Variants in SUCLG2 observed in about 807,000 individuals in gnomAD.
The protein encoded by SUCLG2 is succinate--CoA ligase [GDP-forming] subunit beta, mitochondrial.
Under a neutral mutation model 47.9 loss-of-function variants are expected in SUCLG2, and 42 were observed. The observed-to-expected ratio is 0.88, with a 90% CI of 0.69 to 1.14. The LOEUF (loss-of-function observed/expected upper bound fraction) is 1.14, where lower values mean the gene tolerates loss of function less well. Ranked by LOEUF, SUCLG2 falls within the 50% of genes most tolerant of loss-of-function variation. SUCLG2 has a pLI of 0.00. For synonymous variants in SUCLG2, 195 were observed against 197.3 expected (o/e 0.99, Z 0.10); for missense variants, 571 against 525.9 (o/e 1.09, Z -0.84).
At chr3:67,426,526 T>G (rs1418328173) in intron 9 of SUCLG2, among the ~76,000 whole-genome samples, 1 of 152,214 alleles carries the variant, frequency 6.6e-6, no homozygotes, top group Non-Finnish European at 1.5e-5. Context: ...AGTAAGACTG[T>G]AAAGAACATA....
At chr3:67,484,222 C>T (rs1251582008) in intron 9 of SUCLG2, among the ~76,000 whole-genome samples, 1 of 152,168 alleles carries the variant, frequency 6.6e-6, no homozygotes, top group African/African-American at 2.4e-5. Flanking sequence ...CCAATGCTTG[C>T]CTGACTCTGG....
intron 10 of SUCLG2, among the ~76,000 whole-genome samples, chr3:67,387,581 A>G (rs1488528054): frequency 6.6e-6 from 1 of 152,228 alleles, no homozygotes; most frequent in African/African-American, 2.4e-5. Flanking sequence ...AATTTTTCCC[A>G]AAAGATTTAA....
chr3:67,437,994 C>T (rs1315440600), intron 9 of SUCLG2, among the ~76,000 whole-genome samples: 3 of 152,106 alleles, frequency 2.0e-5, no homozygotes, highest in East Asian at 1.9e-4. Context: ...AATACATATA[C>T]GTGATGCACT....
At position 67,476,075 on chromosome 3, in the gene SUCLG2, A is replaced by G. The variant is rs539959652; in HGVS notation, c.1062+19723T>C. ...AATGGGATTCAATTTATGTGTAACT[A>G]ATTTATAAACACAATGTTAACCTTT... is the stretch of plus-strand genomic sequence containing the variant. On this transcript the variant is annotated intron_variant, in intron 9 of 10. Transcript: ENST00000307227. Among the ~76,000 whole-genome samples, 26 of 151,944 alleles carry G rather than the reference A, an allele frequency of 1.7e-4. No individual in the cohort carries two copies. The South Asian group carries it at 4.6e-3, about 27-fold the overall frequency.
intron 9 of SUCLG2, among the ~76,000 whole-genome samples, chr3:67,419,114 A>G (rs1470221327): frequency 6.6e-6 from 1 of 152,232 alleles, no homozygotes; most frequent in African/African-American, 2.4e-5. Flanking sequence ...TCTATCACCA[A>G]GCACTCAGTC....
At chr3:67,423,662 G>A (rs1703228614) in intron 9 of SUCLG2, among the ~76,000 whole-genome samples, 1 of 152,014 alleles carries the variant, frequency 6.6e-6, no homozygotes. Flanking sequence ...CTTACCCCCT[G>A]CTCTACAAGA....
chr3:67,549,619 A>G (rs1706957717), intron 2 of SUCLG2, among the ~76,000 whole-genome samples: 1 of 152,220 alleles, frequency 6.6e-6, no homozygotes, highest in Non-Finnish European at 1.5e-5. Flanking sequence ...TACAATGACT[A>G]TTTATAATGA....
rs139534893 is a variant in SUCLG2 at position 67,422,537 on chromosome 3, A to G, written c.1063-21686T>C. On this transcript the variant is annotated intron_variant, in intron 9 of 10. Transcript: ENST00000307227. The stretch of plus-strand genomic sequence containing the variant: ...AACACAATTTTACTAAGATCTTACA[A>G]TATGTGTACAACTGTGTTGAGATGT... Among the ~76,000 whole-genome samples, 1,047 of 149,082 alleles carry G rather than the reference A, an allele frequency of 7.0e-3. 12 individuals are homozygous for G. Among genetic ancestry groups the G allele is most frequent in the African/African-American group, 0.025 (1,002 of 40,590 alleles).
At chr3:67,609,293 A>G (rs1157543770) in intron 2 of SUCLG2, among the ~76,000 whole-genome samples, 162 bp downstream of exon 2, 1 of 152,022 alleles carries the variant, frequency 6.6e-6, no homozygotes, top group Non-Finnish European at 1.5e-5. Context: ...ACACATGTAC[A>G]TGAGGCAATC....
chr3:67,446,556 A>C (rs1476711302), intron 9 of SUCLG2, among the ~76,000 whole-genome samples: 5 of 149,416 alleles, frequency 3.3e-5, no homozygotes, highest in South Asian at 2.1e-4. Context: ...CACCCTCCCG[A>C]GTAGCTGGGA....
chr3:67,561,771 T>C (rs75879922), intron 2 of SUCLG2, among the ~76,000 whole-genome samples: 1,606 of 152,296 alleles, frequency 0.011, 21 homozygotes, highest in East Asian at 0.051. Flanking sequence ...GGAAATTAAA[T>C]AGCTGTCATT....
intron 9 of SUCLG2, among the ~76,000 whole-genome samples, chr3:67,489,061 G>T (rs370856667): frequency 6.6e-6 from 1 of 152,138 alleles, no homozygotes; most frequent in East Asian, 1.9e-4. Context: ...CATGTAAATA[G>T]ATTTTGAGTG....
At chr3:67,601,736 A>G (rs1449153779) in intron 2 of SUCLG2, among the ~76,000 whole-genome samples, 1 of 152,136 alleles carries the variant, frequency 6.6e-6, no homozygotes, top group Non-Finnish European at 1.5e-5. Flanking sequence ...AAGGCCAGCA[A>G]TTTGGGAGGT....
At chr3:67,605,883 AAC>A (rs1346968320) in intron 2 of SUCLG2, among the ~76,000 whole-genome samples, 1 of 152,016 alleles carries the variant, frequency 6.6e-6, no homozygotes, top group Non-Finnish European at 1.5e-5. Context: ...ACGTCAATGC[AAC>A]ATTGCTCATT....
chr3:67,548,290 A>G (rs749521537), intron 2 of SUCLG2, among the ~76,000 whole-genome samples: 2 of 152,202 alleles, frequency 1.3e-5, no homozygotes, highest in African/African-American at 2.4e-5. Flanking sequence ...ATGTTCTATT[A>G]TTAAAATTTC....
At chr3:67,388,109 C>T (rs1702299460) in intron 10 of SUCLG2, among the ~76,000 whole-genome samples, 1 of 152,166 alleles carries the variant, frequency 6.6e-6, no homozygotes, top group African/African-American at 2.4e-5. Context: ...GCTGAATCTT[C>T]AGAAATATTG....
chr3:67,538,918 G>A (rs1357136233), intron 2 of SUCLG2, among the ~76,000 whole-genome samples: 3 of 152,300 alleles, frequency 2.0e-5, no homozygotes, highest in Non-Finnish European at 4.4e-5. Flanking sequence ...TGTATCCTGA[G>A]ACTTCGCTGA....
chr3:67,398,609 A>G lies in SUCLG2; in HGVS notation c.1183+2122T>C, dbSNP rs373918260. Among the ~76,000 whole-genome samples the G allele has an allele frequency of 0.011, 1,600 of 151,294 alleles. 76 individuals carry two copies. In the East Asian group the frequency reaches 0.17, roughly 16 times the overall value. On this transcript the variant is annotated intron_variant, in intron 10 of 10. Transcript: ENST00000307227. ...TAGTTCAACCATTGTGGAAGTCAGT[A>G]TGGCGATTCCTCAGGGATCTAGAAC... is the stretch of plus-strand genomic sequence containing the variant.
chr3:67,624,072 A>G (rs1417653951), intron 1 of SUCLG2, among the ~76,000 whole-genome samples: 1 of 152,238 alleles, frequency 6.6e-6, no homozygotes, highest in East Asian at 1.9e-4. Context: ...ACTTTATTCA[A>G]TCAACCCACT....
Sources: allele counts gnomAD v4.1 joint callset (sites outside exome capture counted in the v4.1 genomes callset), GRCh38; gene constraint gnomAD v4.1.1; transcripts MANE v1.5; gene names NCBI Gene and HGNC (gene_info 2026-07-23, HGNC 2026-07-21).